DARS1: variants seen among roughly 807,000 people sequenced by gnomAD.
DARS1 encodes aspartyl-tRNA synthetase 1, also known as aspartate--tRNA ligase, cytoplasmic.
In DARS1, 51 loss-of-function variants were observed where a neutral mutation model predicts 68.8. The observed-to-expected ratio is 0.74, with a 90% CI of 0.59 to 0.94. DARS1 has a LOEUF of 0.94. Ranked by LOEUF, DARS1 falls within the 40% of genes least tolerant of loss-of-function variation. DARS1 has a pLI of 0.00. For synonymous variants in DARS1, 203 were observed against 190.4 expected (o/e 1.07, Z -0.55); for missense variants, 607 against 597.3 (o/e 1.02, Z -0.17).
intron 4 of DARS1, among the ~76,000 whole-genome samples, chr2:135,955,143 CAA>C (rs76946722): frequency 5.9e-4 from 65 of 109,484 alleles, no homozygotes; most frequent in East Asian, 5.6e-3. Flanking sequence ...TTACCACCAC[CAA>C]AAAAAAAAAA....
intron 7 of DARS1, among the ~76,000 whole-genome samples, chr2:135,931,880 A>G (rs1207209676): frequency 6.6e-6 from 1 of 152,170 alleles, no homozygotes; most frequent in Non-Finnish European, 1.5e-5. Flanking sequence ...AAAACTCCTC[A>G]GGTCAAATTC....
intron 4 of DARS1, among the ~76,000 whole-genome samples, chr2:135,958,725 CA>C (rs375955414): frequency 2.3e-4 from 35 of 152,242 alleles, no homozygotes; most frequent in African/African-American, 7.2e-4. Flanking sequence ...CGCAAGATAG[CA>C]AAAGCCATTA....
intron 7 of DARS1, among the ~76,000 whole-genome samples, chr2:135,927,142 T>A (rs1258606202): frequency 6.6e-6 from 1 of 152,190 alleles, no homozygotes; most frequent in Non-Finnish European, 1.5e-5. Context: ...TATTGATTAC[T>A]ACAACTGACT....
chr2:135,912,585 C>A lies in DARS1; in HGVS notation c.1150-19G>T. The A allele has an allele frequency of 1.3e-6, 1 of 768,368 alleles. No individual in the cohort carries two copies. The allele number at this position is 768,368 out of a possible 1,614,324, so 47.6% of individuals were successfully genotyped here. A position where few individuals can be genotyped will look rare whatever the true frequency, so the allele number is the denominator to read the frequency against. ...TATCATACTATAAAAAGAATAAATG[C>A]AATTAAAATACATTTTTAAAAAGTA... On this transcript the variant is annotated intron_variant, in intron 12 of 15. Transcript: ENST00000264161.
intron 3 of DARS1, among the ~76,000 whole-genome samples, chr2:135,963,700 G>T (rs1190027063): frequency 7.5e-5 from 10 of 134,196 alleles, no homozygotes; most frequent in Admixed American, 3.2e-4. Context: ...TTTTTTTTGA[G>T]ATGGCATCTC....
chr2:135,922,965 C>T (rs1470803937), intron 8 of DARS1, 47 bp from the exon 9 acceptor site: 1 of 1,383,122 alleles, frequency 7.2e-7, no homozygotes, highest in African/African-American at 1.5e-5. Flanking sequence ...CAATTGTAAA[C>T]TTATCAATGC....
chr2:135,964,564 G>T (rs1484963081), intron 3 of DARS1, among the ~76,000 whole-genome samples: 3 of 152,172 alleles, frequency 2.0e-5, no homozygotes, highest in Non-Finnish European at 4.4e-5. Flanking sequence ...GTGAAGGCCA[G>T]TCATGTTGGC....
intron 4 of DARS1, among the ~76,000 whole-genome samples, chr2:135,949,644 T>C (rs1463172754): frequency 6.6e-6 from 1 of 152,202 alleles, no homozygotes; most frequent in Admixed American, 6.5e-5. Flanking sequence ...AACCTTCCTA[T>C]GTAACTCATT....
At chr2:135,944,383 T>G (rs1681671372) in intron 4 of DARS1, among the ~76,000 whole-genome samples, 1 of 152,206 alleles carries the variant, frequency 6.6e-6, no homozygotes, top group Non-Finnish European at 1.5e-5. Context: ...GATTTGGGTC[T>G]TTAGTAGTTG....
intron 8 of DARS1, among the ~76,000 whole-genome samples, chr2:135,923,690 A>C (rs1275236098): frequency 6.6e-6 from 1 of 152,176 alleles, no homozygotes; most frequent in Admixed American, 6.5e-5. Context: ...CAAATCTAAA[A>C]AGGGTAAAAT....
intron 9 of DARS1, among the ~76,000 whole-genome samples, chr2:135,922,499 C>A (rs975562606): frequency 1.3e-5 from 2 of 152,084 alleles, no homozygotes; most frequent in Admixed American, 1.3e-4. Context: ...TAAAAATTTT[C>A]TTCAGCATTC....
intron 5 of DARS1, among the ~76,000 whole-genome samples, chr2:135,936,167 G>A (rs1317180725): frequency 6.6e-6 from 1 of 152,116 alleles, no homozygotes; most frequent in Non-Finnish European, 1.5e-5. Context: ...AAATAAATAA[G>A]TGATAAAGCA....
intron 4 of DARS1, among the ~76,000 whole-genome samples, chr2:135,954,492 A>T (rs1183687468): frequency 6.6e-6 from 1 of 152,174 alleles, no homozygotes; most frequent in African/African-American, 2.4e-5. Context: ...AATAAGAGTC[A>T]GTTATTATAA....
At chr2:135,959,332 G>A (rs1201009104) in intron 4 of DARS1, among the ~76,000 whole-genome samples, 2 of 131,800 alleles carry the variant, frequency 1.5e-5, no homozygotes, top group South Asian at 2.5e-4. Context: ...AGGAGGTTGC[G>A]ATGAGCGGAG....
intron 7 of DARS1, among the ~76,000 whole-genome samples, chr2:135,927,140 A>G (rs772179272): frequency 1.3e-5 from 2 of 152,226 alleles, no homozygotes; most frequent in Non-Finnish European, 2.9e-5. Flanking sequence ...CATATTGATT[A>G]CTACAACTGA....
chr2:135,946,385 A>ATATG (rs1215434786), intron 4 of DARS1, among the ~76,000 whole-genome samples: 2 of 152,212 alleles, frequency 1.3e-5, no homozygotes, highest in Non-Finnish European at 2.9e-5. Context: ...GCTATAGGTG[A>ATATG]TATGTAACCT....
At chr2:135,959,391 CAAAAAAAAAAAAAAAAAAAAAAAAAA>C (rs66527494) in intron 4 of DARS1, among the ~76,000 whole-genome samples, 6 of 15,010 alleles carry the variant, frequency 4.0e-4, no homozygotes, top group Admixed American at 9.0e-4. Flanking sequence ...AACTCCGTCT[CAAAAAAAAAAAAAAAAAAAAAAAAAA>C]AAAAAAAAAA....
chr2:135,964,804 G>GCACTCCAGC (rs1174030293), intron 3 of DARS1, among the ~76,000 whole-genome samples: 6 of 127,500 alleles, frequency 4.7e-5, no homozygotes, highest in Non-Finnish European at 3.1e-5. Context: ...TCGTGTCACT[G>GCACTCCAGC]CACTCCAGCC....
intron 1 of DARS1, among the ~76,000 whole-genome samples, chr2:135,984,396 T>C (rs1031011320): frequency 6.6e-6 from 1 of 152,254 alleles, no homozygotes; most frequent in Admixed American, 6.5e-5. Context: ...TACAGCTACC[T>C]GTTGGAATCC....
Sources: allele counts gnomAD v4.1 joint callset (sites outside exome capture counted in the v4.1 genomes callset), GRCh38; gene constraint gnomAD v4.1.1; transcripts MANE v1.5; gene names NCBI Gene and HGNC (gene_info 2026-07-23, HGNC 2026-07-21).